Variants in TSHR observed in about 807,000 individuals in gnomAD.
The protein encoded by TSHR is thyroid stimulating hormone receptor, also known as thyrotropin receptor.
Under a neutral mutation model 64.1 loss-of-function variants are expected in TSHR, and 51 were observed. The ratio of observed to expected loss-of-function variants is 0.80; its 90% confidence interval spans 0.64 to 1.01. The LOEUF (loss-of-function observed/expected upper bound fraction) is 1.01. TSHR is among the 50% of genes least tolerant of loss of function. TSHR has a pLI of 0.00. For synonymous variants in TSHR, 361 were observed against 361.9 expected, an observed-to-expected ratio of 1.00 and a Z score of 0.03; for missense variants, 877 against 942.8, an observed-to-expected ratio of 0.93 and a Z score of 0.91.
rs561157605 is a variant in TSHR at position 81,035,805 on chromosome 14, G to A, written c.171-26343G>A. ...TAATTTGAATGCAGCAAACAAACCC[G>A]CAATAAAAGTCATTTATTGGCATCT... On this transcript the variant is annotated intron_variant, in intron 1 of 9. Transcript: ENST00000298171. Among the ~76,000 whole-genome samples, 209 of 152,024 alleles carry A rather than the reference G, an allele frequency of 1.4e-3. 1 individual carries two copies. Among genetic ancestry groups the A allele is most frequent in the African/African-American group, 4.7e-3 (195 of 41,454 alleles).
chr14:81,068,232 C>G (rs1351131008), intron 2 of TSHR, 22 bp from the exon 3 acceptor site: 1 of 1,610,230 alleles, frequency 6.2e-7, no homozygotes, highest in Non-Finnish European at 8.5e-7. Flanking sequence ...TCTACTTTGT[C>G]TTATATTTTT....
chr14:80,979,425 G>T (rs978733399), intron 1 of TSHR, among the ~76,000 whole-genome samples: 1 of 152,170 alleles, frequency 6.6e-6, no homozygotes, highest in East Asian at 1.9e-4. Flanking sequence ...TTACAGTTAG[G>T]TAGGAGGAAT....
At chr14:81,094,910 A>C (rs1260686206) in intron 6 of TSHR, among the ~76,000 whole-genome samples, 1 of 151,880 alleles carries the variant, frequency 6.6e-6, no homozygotes, top group Non-Finnish European at 1.5e-5. Flanking sequence ...TGGGCATTAC[A>C]TTTATGTACT....
chr14:81,010,226 G>T, intron 1 of TSHR, among the ~76,000 whole-genome samples: 1 of 151,720 alleles, frequency 6.6e-6, no homozygotes, highest in Non-Finnish European at 1.5e-5. Flanking sequence ...TTAATGCTTT[G>T]GTATGCAACT....
chr14:81,110,014 T>C (rs1890156421), intron 8 of TSHR, among the ~76,000 whole-genome samples: 1 of 152,240 alleles, frequency 6.6e-6, no homozygotes, highest in South Asian at 2.1e-4. Context: ...AGTCATTGCT[T>C]TTTCAAAGAA....
intron 8 of TSHR, among the ~76,000 whole-genome samples, chr14:81,114,616 A>G (rs1459148379): frequency 1.3e-5 from 2 of 152,156 alleles, no homozygotes; most frequent in East Asian, 3.9e-4. Flanking sequence ...GGCGCCCACC[A>G]TTGCACAGGC....
chr14:80,974,467 G>A (rs888771996), intron 1 of TSHR, among the ~76,000 whole-genome samples: 46 of 152,262 alleles, frequency 3.0e-4, no homozygotes, highest in Middle Eastern at 3.4e-3. Flanking sequence ...AATCCTGTTA[G>A]TACTGCCAAA....
Position 81,041,119 on chromosome 14 carries a change from C to T in TSHR, c.171-21029C>T, listed in dbSNP as rs1308297030. On this transcript the variant is annotated intron_variant, in intron 1 of 9. Coordinates refer to ENST00000298171, the MANE Select transcript of TSHR (RefSeq NM_000369.5). ...AGAAGGCGTGGCGATTTCTCAAAAA[C>T]CTAAAGACAGAAATACCATTCAACC... is the stretch of plus-strand genomic sequence containing the variant. 2.0e-5 allele frequency among the ~76,000 whole-genome samples: 3 copies of T among 152,048 alleles called. No homozygotes were observed. The East Asian group carries it at 5.8e-4, about 29-fold the overall frequency.
intron 4 of TSHR, among the ~76,000 whole-genome samples, chr14:81,090,394 G>A (rs556319332): frequency 6.6e-6 from 1 of 152,284 alleles, no homozygotes; most frequent in African/African-American, 2.4e-5. Flanking sequence ...ACAGGCGCAT[G>A]CCAACACATG....
intron 3 of TSHR, among the ~76,000 whole-genome samples, chr14:81,071,756 G>A (rs949279111): frequency 2.6e-5 from 4 of 151,458 alleles, no homozygotes; most frequent in Admixed American, 2.0e-4. Context: ...GAAAGAGCTG[G>A]TCTCTAAAAT....
chr14:80,992,400 A>AAG (rs1888784895), intron 1 of TSHR: 1 of 142,246 alleles, frequency 7.0e-6, no homozygotes, highest in Non-Finnish European at 1.6e-5. Flanking sequence ...TCTATCTCAA[A>AAG]AAAAAAAAAA....
In TSHR at chr14:81,139,776, C is replaced by A. The variant is rs1279981655; in HGVS notation, c.790C>A (p.Pro264Thr). Reference sequence around the variant, plus strand: ...AAACACCTGGACTCTTAAGAAACTTCCACTTTCCTTGAGTTTCCTTCACCT... The same window carrying A: ...AAACACCTGGACTCTTAAGAAACTTACACTTTCCTTGAGTTTCCTTCACCT... The part of the protein sequence containing the change: ...ARNTWTLKKL[P>T]LSLSFLHLTR... Residue 264 changes from proline to threonine, a missense_variant, in exon 9 of 10, where the codon CCA (proline) becomes ACA (threonine). Transcript: ENST00000298171. 8 of 1,614,220 alleles carry A rather than the reference C, an allele frequency of 5.0e-6. No homozygotes were observed. Among genetic ancestry groups the A allele is most frequent in the Non-Finnish European group, 6.8e-6 (8 of 1,180,048 alleles).
intron 1 of TSHR, among the ~76,000 whole-genome samples, chr14:80,999,926 C>CTTTTTTTTTTTTTTTT (rs887541689): frequency 7.0e-6 from 1 of 142,872 alleles, no homozygotes; most frequent in Non-Finnish European, 1.5e-5. Flanking sequence ...AATTTTTTTT[C>CTTTTTTTTTTTTTTTT]TTTTTTTTCT....
chr14:81,129,349 T>C (rs1429670418), intron 8 of TSHR, among the ~76,000 whole-genome samples: 1 of 152,216 alleles, frequency 6.6e-6, no homozygotes, highest in Non-Finnish European at 1.5e-5. Flanking sequence ...TTAAATGCCA[T>C]GTTCTGTCAT....
chr14:81,022,549 A>T (rs769662288), intron 1 of TSHR, among the ~76,000 whole-genome samples: 9 of 150,862 alleles, frequency 6.0e-5, no homozygotes, highest in Non-Finnish European at 1.0e-4. Context: ...GGGGCCGGGC[A>T]CGGTGGCTCA....
intron 6 of TSHR, chr14:81,093,713 C>T (rs994996137): frequency 1.3e-5 from 2 of 152,358 alleles, no homozygotes; most frequent in African/African-American, 4.8e-5. Context: ...GATGATCCTT[C>T]TCATCACAAC....
chr14:81,040,833 C>T (rs1171881121), intron 1 of TSHR, among the ~76,000 whole-genome samples: 2 of 151,984 alleles, frequency 1.3e-5, no homozygotes, highest in East Asian at 3.9e-4. Flanking sequence ...CAACAAACAA[C>T]CTCATTAAAA....
At position 80,978,886 on chromosome 14, in the gene TSHR, C is replaced by G. The variant is rs192447395; in HGVS notation, c.170+23036C>G. On this transcript the variant is annotated intron_variant, in intron 1 of 9. Transcript: ENST00000298171. ...GTTTTGAGGTTCTTATCTCATGCCA[C>G]ACTTCTCCAGCCTCGCCTACTCCCA... Among the ~76,000 whole-genome samples, 442 of 152,272 alleles carry G rather than the reference C, an allele frequency of 2.9e-3. 6 individuals are homozygous for G. Among genetic ancestry groups the G allele is most frequent in the African/African-American group, 0.01 (429 of 41,542 alleles).
chr14:80,963,380 C>A (rs993744093), intron 1 of TSHR, among the ~76,000 whole-genome samples: 1 of 152,186 alleles, frequency 6.6e-6, no homozygotes, highest in Non-Finnish European at 1.5e-5. Context: ...TCCAAATGGA[C>A]CCTCCTCTTA....
Sources: gnomAD v4.1 joint callset for allele counts (sites outside exome capture counted in the v4.1 genomes callset) on GRCh38, gnomAD v4.1.1 for gene constraint, MANE v1.5 for transcripts, NCBI Gene and HGNC (gene_info 2026-07-23, HGNC 2026-07-21) for gene names.